The following WWOX variants were observed in gnomAD, a reference collection of about 807,000 sequenced individuals.
WWOX encodes WW domain-containing oxidoreductase.
A neutral mutation model predicts 46.2 loss-of-function variants in WWOX; 69 were observed. That is an observed-to-expected ratio of 1.49 (90% confidence interval 1.23 to 1.82). The LOEUF (loss-of-function observed/expected upper bound fraction) is 1.82, where lower values mean the gene tolerates loss of function less well. Among genes scored for constraint, WWOX ranks in the 40% most tolerant of loss-of-function variants. The pLI is 0.00. For synonymous variants in WWOX, 359 were observed against 202.6 expected (o/e 1.77, Z -6.56); for missense variants, 919 against 542.6 (o/e 1.69, Z -6.89).
intron 8 of WWOX, among the ~76,000 whole-genome samples, chr16:78,584,263 T>A (rs756800577): frequency 6.6e-6 from 1 of 152,180 alleles, no homozygotes; most frequent in Non-Finnish European, 1.5e-5. Context: ...TTGTAAGAAG[T>A]GCTTTACATC....
intron 8 of WWOX, among the ~76,000 whole-genome samples, chr16:78,464,169 T>C (rs1437032163): frequency 6.6e-6 from 1 of 151,982 alleles, no homozygotes; most frequent in Non-Finnish European, 1.5e-5. Flanking sequence ...TTGCTTAATA[T>C]TGTGGACAAG....
chr16:79,209,106 G>C (rs1021741132), intron 8 of WWOX, among the ~76,000 whole-genome samples: 1 of 152,200 alleles, frequency 6.6e-6, no homozygotes, highest in East Asian at 1.9e-4. Context: ...CCCAAGCCTA[G>C]TGGCAAAGGA....
intron 8 of WWOX, among the ~76,000 whole-genome samples, chr16:78,460,858 C>G (rs979613720): frequency 6.6e-6 from 1 of 152,242 alleles, no homozygotes; most frequent in Non-Finnish European, 1.5e-5. Flanking sequence ...GAGGACACAT[C>G]ACTTGCACCT....
At chr16:78,694,059 C>G (rs145686327) in intron 8 of WWOX, among the ~76,000 whole-genome samples, 1,941 of 152,160 alleles carry the variant, frequency 0.013, 19 homozygotes, top group South Asian at 0.035. Flanking sequence ...TGGTGAAACC[C>G]TGTTTCTACT....
intron 5 of WWOX, among the ~76,000 whole-genome samples, chr16:78,286,514 A>G (rs951285426): frequency 1.3e-5 from 2 of 152,250 alleles, no homozygotes; most frequent in Non-Finnish European, 2.9e-5. Flanking sequence ...TCTTGTGGAT[A>G]CAGAAAAATA....
At chr16:78,816,405 A>C (rs1338279936) in intron 8 of WWOX, among the ~76,000 whole-genome samples, 1 of 151,454 alleles carries the variant, frequency 6.6e-6, no homozygotes, top group Non-Finnish European at 1.5e-5. Context: ...AGATATTGCA[A>C]GTGTGTTTAA....
intron 8 of WWOX, among the ~76,000 whole-genome samples, chr16:78,469,252 C>G (rs1446079487): frequency 6.6e-6 from 1 of 152,200 alleles, no homozygotes; most frequent in Non-Finnish European, 1.5e-5. Context: ...AAGATATCCA[C>G]CTGTAAAATA....
intron 5 of WWOX, among the ~76,000 whole-genome samples, chr16:78,321,799 T>C (rs572791761): frequency 1.3e-5 from 2 of 152,216 alleles, no homozygotes; most frequent in South Asian, 2.1e-4. Context: ...CGTCTGTTAG[T>C]GTTTCCAGCA....
At chr16:78,285,801 C>G (rs1027230852) in intron 5 of WWOX, among the ~76,000 whole-genome samples, 2 of 152,168 alleles carry the variant, frequency 1.3e-5, no homozygotes, top group African/African-American at 2.4e-5. Flanking sequence ...TCTTCTTTGT[C>G]AGGCCTGTAA....
At chr16:78,986,135 A>G (rs776917281) in intron 8 of WWOX, among the ~76,000 whole-genome samples, 53 of 152,342 alleles carry the variant, frequency 3.5e-4, no homozygotes, top group Non-Finnish European at 2.8e-4. Flanking sequence ...AGGAGCACAC[A>G]TACATTCCTG....
chr16:78,199,381 A>G (rs2036160492), intron 5 of WWOX, among the ~76,000 whole-genome samples: 2 of 152,192 alleles, frequency 1.3e-5, no homozygotes, highest in South Asian at 2.1e-4. Context: ...TGTATTATCT[A>G]TGGATTGACT....
chr16:78,293,607 T>G (rs966162577), intron 5 of WWOX, among the ~76,000 whole-genome samples: 6 of 152,074 alleles, frequency 3.9e-5, no homozygotes, highest in African/African-American at 1.4e-4. Flanking sequence ...AAGTGGAATC[T>G]CCATTTCAGT....
chr16:78,500,740 T>C (rs2085040983), intron 8 of WWOX, among the ~76,000 whole-genome samples: 4 of 152,320 alleles, frequency 2.6e-5, no homozygotes, highest in Admixed American at 1.3e-4. Flanking sequence ...CCCAGTAATA[T>C]CATTTAATTC....
At chr16:78,569,561 T>C (rs1425907743) in intron 8 of WWOX, among the ~76,000 whole-genome samples, 1 of 152,196 alleles carries the variant, frequency 6.6e-6, no homozygotes, top group Non-Finnish European at 1.5e-5. Context: ...TGCATGAAAT[T>C]TACACCTTTT....
chr16:78,431,781 A>G (rs1304096697), intron 7 of WWOX, among the ~76,000 whole-genome samples: 5 of 151,836 alleles, frequency 3.3e-5, no homozygotes, highest in African/African-American at 4.8e-5. Context: ...CAGTGGCACA[A>G]TCATAGCTCA....
chr16:78,666,151 G>C, intron 8 of WWOX, among the ~76,000 whole-genome samples: 1 of 152,084 alleles, frequency 6.6e-6, no homozygotes, highest in East Asian at 1.9e-4. Flanking sequence ...GCCGAGTGTG[G>C]TGGTGTGCCA....
chr16:78,821,472 T>C (rs1323281076), intron 8 of WWOX, among the ~76,000 whole-genome samples: 1 of 152,204 alleles, frequency 6.6e-6, no homozygotes, highest in East Asian at 1.9e-4. Flanking sequence ...TTGCAAAATA[T>C]TGTGATCCTG....
intron 6 of WWOX, among the ~76,000 whole-genome samples, chr16:78,417,645 T>C (rs2082829559): frequency 1.3e-5 from 2 of 152,190 alleles, no homozygotes; most frequent in Non-Finnish European, 2.9e-5. Flanking sequence ...TTTTTAGCAG[T>C]GGTCCTGTCT....
At chr16:78,331,357 A>C (rs982155534) in intron 5 of WWOX, among the ~76,000 whole-genome samples, 1 of 152,232 alleles carries the variant, frequency 6.6e-6, no homozygotes, top group Non-Finnish European at 1.5e-5. Flanking sequence ...TTTGCAACTT[A>C]TAACCCCTTC....
Sources: allele counts gnomAD v4.1 joint callset (sites outside exome capture counted in the v4.1 genomes callset), GRCh38; gene constraint gnomAD v4.1.1; transcripts MANE v1.5; gene names NCBI Gene and HGNC (gene_info 2026-07-23, HGNC 2026-07-21).